The following UBE2F variants were observed in gnomAD, a reference collection of about 807,000 sequenced individuals.
UBE2F encodes NEDD8-conjugating enzyme UBE2F.
Under a neutral mutation model 29.6 loss-of-function variants are expected in UBE2F, and 5 were observed. The observed-to-expected ratio is 0.17, with a 90% CI of 0.09 to 0.36. The LOEUF (loss-of-function observed/expected upper bound fraction) is 0.36. UBE2F is among the 10% of genes least tolerant of loss of function. The pLI, the probability that UBE2F is intolerant of heterozygous loss-of-function variation, is 1.00. For synonymous variants in UBE2F, 66 were observed against 81.8 expected (o/e 0.81, Z 1.04); for missense variants, 141 against 228.5 (o/e 0.62, Z 2.47).
chr2:237,984,833 A>G (rs1447652301), intron 2 of UBE2F, among the ~76,000 whole-genome samples: 1 of 151,772 alleles, frequency 6.6e-6, no homozygotes, highest in African/African-American at 2.4e-5. Flanking sequence ...AGGCTGGAGC[A>G]CAGTGAGGCG....
intron 2 of UBE2F, among the ~76,000 whole-genome samples, chr2:237,984,803 A>ACTTTT (rs1327497647): frequency 6.6e-6 from 1 of 152,076 alleles, no homozygotes; most frequent in Admixed American, 6.6e-5. Flanking sequence ...TTTTTGAGAC[A>ACTTTT]GGGTCTCACT....
intron 4 of UBE2F, among the ~76,000 whole-genome samples, chr2:237,997,518 T>C (rs2063715263): frequency 6.6e-6 from 1 of 152,222 alleles, no homozygotes; most frequent in South Asian, 2.1e-4. Context: ...CTCCTCTTCA[T>C]ATTGAAAACA....
At chr2:237,998,616 T>C (rs1368104029) in intron 4 of UBE2F, among the ~76,000 whole-genome samples, 1 of 151,610 alleles carries the variant, frequency 6.6e-6, no homozygotes, top group African/African-American at 2.4e-5. Context: ...CGTGAGCTTT[T>C]TTTTTTTTTT....
chr2:238,004,394 T>TA (rs1006414600), intron 4 of UBE2F, among the ~76,000 whole-genome samples: 14 of 150,820 alleles, frequency 9.3e-5, no homozygotes, highest in East Asian at 7.7e-4. Context: ...TGTGCTCATT[T>TA]AAAAAAAAAT....
chr2:238,025,450 G>A, intron 6 of UBE2F, 38 bp downstream of exon 6: 2 of 1,561,766 alleles, frequency 1.3e-6, no homozygotes, highest in South Asian at 2.3e-5. Flanking sequence ...ACATTCGTGA[G>A]TGTCATGTGC....
intron 2 of UBE2F, among the ~76,000 whole-genome samples, chr2:237,977,105 C>G (rs2063297135): frequency 1.3e-5 from 2 of 152,146 alleles, no homozygotes. Context: ...ACAGAGCCCA[C>G]TAAGACCTAC....
At chr2:237,980,806 G>C (rs1014949811) in intron 2 of UBE2F, among the ~76,000 whole-genome samples, 2 of 152,212 alleles carry the variant, frequency 1.3e-5, no homozygotes, top group African/African-American at 4.8e-5. Flanking sequence ...GGCTTGGGCA[G>C]ATTACATGGC....
At chr2:238,034,288 C>T (rs935395963) in intron 8 of UBE2F, among the ~76,000 whole-genome samples, 5 of 151,534 alleles carry the variant, frequency 3.3e-5, no homozygotes, top group Non-Finnish European at 7.4e-5. Context: ...ATTAGCCAGG[C>T]GTGGTGGCGG....
chr2:238,033,440 A>G (rs551493152), intron 8 of UBE2F, among the ~76,000 whole-genome samples: 10 of 152,334 alleles, frequency 6.6e-5, no homozygotes, highest in Middle Eastern at 3.4e-3. Context: ...AGGTGCCTCT[A>G]TGATCTTGGA....
chr2:238,026,942 T>C (rs2064446408), intron 6 of UBE2F, among the ~76,000 whole-genome samples: 1 of 152,248 alleles, frequency 6.6e-6, no homozygotes, highest in Admixed American at 6.5e-5. Flanking sequence ...TGGTTGCAGG[T>C]TATAAATGTG....
intron 4 of UBE2F, among the ~76,000 whole-genome samples, chr2:238,011,556 A>C (rs538479157): frequency 7.2e-5 from 11 of 152,382 alleles, no homozygotes; most frequent in African/African-American, 2.6e-4. Flanking sequence ...GTGGGCACTC[A>C]TCAACTATTT....
At chr2:237,973,543 C>T in intron 2 of UBE2F, 1 of 598,844 alleles carries the variant, frequency 1.7e-6, no homozygotes. Context: ...TTCAGAGCTG[C>T]CATTATCTTC....
In UBE2F at chr2:237,967,278, G is replaced by A; in HGVS notation, c.-17+146G>A. ...CTCACGCCGGGGGCCTGGCGGGCGC[G>A]GGCACCCGGACGCGAGGCCGAGCGG... is the stretch of plus-strand genomic sequence containing the variant. On this transcript the variant is annotated intron_variant, in intron 1 of 9. Transcript: ENST00000272930. The surrounding 1 kb of genome is among the most constrained non-coding windows in gnomAD (Gnocchi z 6.3). The A allele has an allele frequency of 2.3e-6, 1 of 428,298 alleles. No homozygotes were observed. The highest frequency in any genetic ancestry group is 3.1e-6 in the Non-Finnish European group (1 of 322,898). 26.5% of individuals were successfully genotyped at this position (428,298 alleles called of 1,614,324 possible).
chr2:238,013,978 C>T (rs1361560431), intron 4 of UBE2F, among the ~76,000 whole-genome samples: 7 of 152,150 alleles, frequency 4.6e-5, no homozygotes, highest in African/African-American at 1.7e-4. Flanking sequence ...CTGTGGGCCA[C>T]GGTGCACGTG....
At chr2:238,024,536 G>T (rs1476668479) in intron 5 of UBE2F, among the ~76,000 whole-genome samples, 2 of 151,972 alleles carry the variant, frequency 1.3e-5, no homozygotes, top group Admixed American at 1.3e-4. Flanking sequence ...GAGAGACAGG[G>T]TCTTACTATA....
intron 9 of UBE2F, among the ~76,000 whole-genome samples, chr2:238,038,056 C>T (rs916702975): frequency 6.6e-6 from 1 of 152,184 alleles, no homozygotes; most frequent in African/African-American, 2.4e-5. Flanking sequence ...CAGTCTTGAG[C>T]TCAGGAGGTG....
intron 2 of UBE2F, among the ~76,000 whole-genome samples, chr2:237,983,549 A>G (rs769142883): frequency 3.3e-5 from 5 of 152,142 alleles, no homozygotes; most frequent in Non-Finnish European, 5.9e-5. Flanking sequence ...TGAGCCTCAG[A>G]GTAGAGCCCT....
chr2:237,985,861 A>G (rs2063471615), intron 2 of UBE2F, among the ~76,000 whole-genome samples: 1 of 152,134 alleles, frequency 6.6e-6, no homozygotes, highest in Non-Finnish European at 1.5e-5. Context: ...GCCAACATTT[A>G]TCTCTCTTTG....
chr2:237,986,142 C>CTT (rs66771814), intron 2 of UBE2F: 342 of 260,826 alleles, frequency 1.3e-3, no homozygotes, highest in African/African-American at 3.1e-3. Flanking sequence ...CTTTTCTTTT[C>CTT]TTTTTTTTTT....
Sources: gnomAD v4.1 joint callset for allele counts (sites outside exome capture counted in the v4.1 genomes callset) on GRCh38, gnomAD v4.1.1 for gene constraint, Gnocchi (gnomAD v3.1) non-coding constraint, MANE v1.5 for transcripts, NCBI Gene and HGNC (gene_info 2026-07-23, HGNC 2026-07-21) for gene names.